Variants in RALYL observed in about 807,000 individuals in gnomAD.
RALYL encodes the protein RNA-binding Raly-like protein.
In RALYL, 29 loss-of-function variants were observed where a neutral mutation model predicts 35.1. The observed-to-expected ratio is 0.83, with a 90% CI of 0.61 to 1.13. The LOEUF is 1.13. RALYL is among the 50% of genes most tolerant of loss of function. RALYL has a pLI of 0.00. For synonymous variants in RALYL, 120 were observed against 127.6 expected, an observed-to-expected ratio of 0.94 and a Z score of 0.40; for missense variants, 359 against 360.4, an observed-to-expected ratio of 1.00 and a Z score of 0.03.
intron 2 of RALYL, among the ~76,000 whole-genome samples, chr8:84,724,085 T>C (rs1349246940): frequency 6.6e-6 from 1 of 151,818 alleles, no homozygotes; most frequent in Admixed American, 6.6e-5. Flanking sequence ...CTGTTTTTAT[T>C]ATACTTTTAA....
At chr8:84,915,550 A>G (rs753420414) in intron 8 of RALYL, among the ~76,000 whole-genome samples, 3 of 152,080 alleles carry the variant, frequency 2.0e-5, no homozygotes, top group Admixed American at 6.6e-5. Context: ...ATTATCTACA[A>G]ATAGAGCAAG....
chr8:84,424,601 G>T (rs373459836), intron 1 of RALYL, among the ~76,000 whole-genome samples: 60 of 151,526 alleles, frequency 4.0e-4, no homozygotes, highest in Admixed American at 2.6e-3. Context: ...GAGGAACTGC[G>T]TTCCTTTGGA....
At chr8:84,685,531 G>A (rs1836580745) in intron 2 of RALYL, among the ~76,000 whole-genome samples, 1 of 152,150 alleles carries the variant, frequency 6.6e-6, no homozygotes, top group South Asian at 2.1e-4. Context: ...AAATAGGTAA[G>A]TATACAAATA....
At chr8:84,744,448 A>C (rs1162512749) in intron 2 of RALYL, among the ~76,000 whole-genome samples, 1 of 152,002 alleles carries the variant, frequency 6.6e-6, no homozygotes, top group African/African-American at 2.4e-5. Context: ...GTCCCATTGA[A>C]GCAAAGCAGG....
chr8:84,497,608 T>G (rs1254611094), intron 1 of RALYL, among the ~76,000 whole-genome samples: 2 of 151,738 alleles, frequency 1.3e-5, no homozygotes. Context: ...TGAATGATTT[T>G]TAAGGTTTTG....
chr8:84,501,083 G>C (rs2056608061), intron 1 of RALYL, among the ~76,000 whole-genome samples: 2 of 152,050 alleles, frequency 1.3e-5, no homozygotes, highest in Admixed American at 1.3e-4. Flanking sequence ...TTTACATATG[G>C]AATTCTTATC....
At chr8:84,730,865 A>G (rs796855575) in intron 2 of RALYL, among the ~76,000 whole-genome samples, 1 of 152,252 alleles carries the variant, frequency 6.6e-6, no homozygotes, top group African/African-American at 2.4e-5. Context: ...GATGATGGGA[A>G]TGAGAATGTA....
At chr8:84,293,579 A>G (rs1839190012) in intron 1 of RALYL, among the ~76,000 whole-genome samples, 1 of 152,082 alleles carries the variant, frequency 6.6e-6, no homozygotes. Context: ...TTTTTCTTTG[A>G]TACTCCAAAC....
chr8:84,893,857 C>T (rs192356460), intron 8 of RALYL, among the ~76,000 whole-genome samples: 135 of 152,326 alleles, frequency 8.9e-4, no homozygotes, highest in African/African-American at 3.2e-3. Context: ...GCTGACTACA[C>T]ACAATCAAAT....
chr8:84,648,367 A>T (rs1827941879), intron 2 of RALYL, among the ~76,000 whole-genome samples: 1 of 152,098 alleles, frequency 6.6e-6, no homozygotes, highest in Admixed American at 6.6e-5. Context: ...TGAGGAAGAA[A>T]AGTTTATGTT....
chr8:84,264,916 A>T (rs1005262026), intron 1 of RALYL, among the ~76,000 whole-genome samples: 6 of 152,220 alleles, frequency 3.9e-5, no homozygotes, highest in African/African-American at 1.4e-4. Context: ...TTTAACATGT[A>T]GTTAGAGAAT....
chr8:84,212,384 C>T lies in RALYL; in HGVS notation c.-24+27960C>T, dbSNP rs538310174. 8.6e-5 allele frequency among the ~76,000 whole-genome samples: 13 copies of T among 152,034 alleles called. 1 individual carries two copies. The South Asian group carries it at 1.9e-3, about 22-fold the overall frequency. ...CAAAATCATGCTTAATAGTTGATACCGTCCTCATGACGCCTTCATTTTTTT... is the reference window on the plus strand; with the variant it reads ...CAAAATCATGCTTAATAGTTGATACTGTCCTCATGACGCCTTCATTTTTTT... On this transcript the variant is annotated intron_variant, in intron 1 of 8. Transcript: ENST00000521268.
At chr8:84,769,299 G>A (rs968368749) in intron 2 of RALYL, among the ~76,000 whole-genome samples, 1 of 151,964 alleles carries the variant, frequency 6.6e-6, no homozygotes, top group Non-Finnish European at 1.5e-5. Flanking sequence ...GTGATTCTTG[G>A]GTCTTTCCTC....
chr8:84,470,272 CT>C (rs2052540006), intron 1 of RALYL, among the ~76,000 whole-genome samples: 1 of 152,100 alleles, frequency 6.6e-6, no homozygotes, highest in Admixed American at 6.5e-5. Context: ...TGATTATTCT[CT>C]TAAGGCCTAC....
intron 1 of RALYL, among the ~76,000 whole-genome samples, chr8:84,210,853 G>A (rs558472083): frequency 2.7e-5 from 4 of 149,710 alleles, no homozygotes; most frequent in African/African-American, 9.9e-5. Flanking sequence ...TCAGTGTCAT[G>A]TCATAGCTAG....
chr8:84,867,060 G>A (rs1396766517), intron 6 of RALYL, among the ~76,000 whole-genome samples: 1 of 152,162 alleles, frequency 6.6e-6, no homozygotes, highest in Non-Finnish European at 1.5e-5. Context: ...CAAAGTGTCA[G>A]AAGGCTTGGT....
At chr8:84,584,006 G>T (rs1170808762) in intron 2 of RALYL, among the ~76,000 whole-genome samples, 1 of 151,952 alleles carries the variant, frequency 6.6e-6, no homozygotes, top group Non-Finnish European at 1.5e-5. Flanking sequence ...TATTTATGGG[G>T]TACATGAAAT....
intron 2 of RALYL, among the ~76,000 whole-genome samples, chr8:84,529,847 G>A (rs78637700): frequency 0.021 from 3,270 of 152,158 alleles, 47 homozygotes; most frequent in Non-Finnish European, 0.033. Flanking sequence ...TAATAAATAT[G>A]CATCAGGTTT....
chr8:84,515,361 G>C (rs571726737), intron 1 of RALYL, among the ~76,000 whole-genome samples: 4 of 152,028 alleles, frequency 2.6e-5, no homozygotes, highest in Non-Finnish European at 5.9e-5. Context: ...ATGTTTTTGC[G>C]TGGAGGAATG....
Sources: gnomAD v4.1 joint callset for allele counts (sites outside exome capture counted in the v4.1 genomes callset) on GRCh38, gnomAD v4.1.1 for gene constraint, MANE v1.5 for transcripts, NCBI Gene and HGNC (gene_info 2026-07-23, HGNC 2026-07-21) for gene names.